The following PTPRD variants were observed in gnomAD, a reference collection of about 807,000 sequenced individuals.
The protein encoded by PTPRD is protein tyrosine phosphatase receptor type D.
In PTPRD, 34 loss-of-function variants were observed where a neutral mutation model predicts 214.5. That is an observed-to-expected ratio of 0.16 (90% CI 0.12 to 0.21). The LOEUF (loss-of-function observed/expected upper bound fraction) is 0.21, where lower values mean the gene tolerates loss of function less well. PTPRD is among the 10% of genes least tolerant of loss of function. The pLI, the probability that PTPRD is intolerant of heterozygous loss-of-function variation, is 1.00. For synonymous variants in PTPRD, 1,128 were observed against 845.7 expected (o/e 1.33, Z -5.79); for missense variants, 2,545 against 2,398.7 (o/e 1.06, Z -1.27).
chr9:10,105,724 G>T (rs545468428), intron 3 of PTPRD, among the ~76,000 whole-genome samples: 1 of 151,640 alleles, frequency 6.6e-6, no homozygotes, highest in African/African-American at 2.4e-5. Context: ...TCATATTATT[G>T]TATATAAGAA....
At chr9:10,032,604 A>G (rs961172133) in intron 4 of PTPRD, among the ~76,000 whole-genome samples, 8 of 152,198 alleles carry the variant, frequency 5.3e-5, no homozygotes, top group African/African-American at 1.7e-4. Context: ...ACTTGTATGT[A>G]TAAATGTAAA....
At chr9:9,884,858 T>C (rs746191030) in intron 5 of PTPRD, among the ~76,000 whole-genome samples, 16 of 152,136 alleles carry the variant, frequency 1.1e-4, no homozygotes, top group South Asian at 2.1e-4. Context: ...TCTGCCACGA[T>C]TGTAAGTTTC....
intron 11 of PTPRD, among the ~76,000 whole-genome samples, chr9:8,892,609 GTA>G (rs996147809): frequency 8.8e-5 from 12 of 136,214 alleles, no homozygotes; most frequent in Middle Eastern, 3.7e-3. Context: ...ATATATGTGT[GTA>G]TATATATGTG....
chr9:8,968,829 G>T (rs919323679), intron 11 of PTPRD, among the ~76,000 whole-genome samples: 1 of 151,988 alleles, frequency 6.6e-6, no homozygotes, highest in African/African-American at 2.4e-5. Flanking sequence ...AATCCAAAAA[G>T]CAAGATCATT....
At chr9:9,211,515 GCA>G (rs36213005) in intron 9 of PTPRD, among the ~76,000 whole-genome samples, 9,343 of 143,438 alleles carry the variant, frequency 0.065, 442 homozygotes, top group East Asian at 0.13. Context: ...GTGTGCGCAC[GCA>G]CACACACACA....
In PTPRD at chr9:8,316,917, T is replaced by C. The variant is rs1822253213; in HGVS notation, c.*957A>G. The C allele has an allele frequency of 4.3e-6, 1 of 230,780 alleles. No homozygotes were observed. The highest frequency in any genetic ancestry group is 5.7e-5 in the Admixed American group (1 of 17,662). The allele number at this position is 230,780 out of a possible 1,614,324, so 14.3% of individuals were successfully genotyped here. ...ACTGACTGACTGATAACTGTATCTA[T>C]TTTTTGTGTGGACACACTGTCTATA... On this transcript the variant is annotated 3_prime_UTR_variant, in exon 46 of 46. Transcript: ENST00000381196.
intron 7 of PTPRD, among the ~76,000 whole-genome samples, chr9:9,636,510 C>A (rs2095773724): frequency 6.6e-6 from 1 of 152,064 alleles, no homozygotes; most frequent in African/African-American, 2.4e-5. Context: ...ATACACAGAG[C>A]CTCAACTTGG....
At chr9:8,390,536 C>T (rs10977029) in intron 36 of PTPRD, among the ~76,000 whole-genome samples, 47,817 of 140,428 alleles carry the variant, frequency 0.34, 8,440 homozygotes, top group Middle Eastern at 0.42. Flanking sequence ...TATATATTTA[C>T]TTGTCTGTTA....
intron 7 of PTPRD, among the ~76,000 whole-genome samples, chr9:9,626,779 C>A (rs1035722474): frequency 1.3e-5 from 2 of 152,080 alleles, no homozygotes; most frequent in African/African-American, 2.4e-5. Context: ...TGAAATGGCT[C>A]GCCCCAAATT....
At chr9:10,213,493 C>T (rs1159180067) in intron 3 of PTPRD, among the ~76,000 whole-genome samples, 3 of 152,070 alleles carry the variant, frequency 2.0e-5, no homozygotes, top group Non-Finnish European at 4.4e-5. Flanking sequence ...GATGGAATAA[C>T]CAAGAATGGG....
chr9:9,916,087 A>C (rs981831752), intron 5 of PTPRD, among the ~76,000 whole-genome samples: 14 of 150,422 alleles, frequency 9.3e-5, no homozygotes, highest in East Asian at 2.0e-4. Flanking sequence ...AATTAAAAAA[A>C]AAAAAACAAA....
At chr9:10,016,355 G>C (rs934724277) in intron 4 of PTPRD, among the ~76,000 whole-genome samples, 5 of 107,398 alleles carry the variant, frequency 4.7e-5, no homozygotes, top group African/African-American at 1.3e-4. Flanking sequence ...ATGATAGAAA[G>C]ATTAGATAGA....
chr9:9,901,367 A>G (rs1376461883), intron 5 of PTPRD, among the ~76,000 whole-genome samples: 2 of 152,188 alleles, frequency 1.3e-5, no homozygotes, highest in African/African-American at 2.4e-5. Context: ...TAGAGGCAAC[A>G]TGTGGGATAA....
chr9:9,853,550 T>G (rs1435647371), intron 5 of PTPRD, among the ~76,000 whole-genome samples: 1 of 152,054 alleles, frequency 6.6e-6, no homozygotes, highest in Non-Finnish European at 1.5e-5. Flanking sequence ...TTTTTTTTGT[T>G]GTTTTTTGGT....
At chr9:8,902,217 C>T (rs982769333) in intron 11 of PTPRD, among the ~76,000 whole-genome samples, 1 of 152,124 alleles carries the variant, frequency 6.6e-6, no homozygotes, top group Non-Finnish European at 1.5e-5. Flanking sequence ...ACTGTTGCTA[C>T]TCAAAGTGTT....
At chr9:9,672,712 T>C (rs2096854597) in intron 7 of PTPRD, among the ~76,000 whole-genome samples, 1 of 152,074 alleles carries the variant, frequency 6.6e-6, no homozygotes. Flanking sequence ...GGAGTTATTA[T>C]CCACCCAGTT....
intron 4 of PTPRD, among the ~76,000 whole-genome samples, chr9:9,940,132 G>A (rs776736480): frequency 7.2e-5 from 11 of 152,150 alleles, no homozygotes; most frequent in Non-Finnish European, 1.5e-4. Context: ...ACCATCTCTA[G>A]ACTTGCAGGG....
intron 34 of PTPRD, among the ~76,000 whole-genome samples, chr9:8,442,076 G>A (rs1240335921): frequency 1.3e-5 from 2 of 152,148 alleles, no homozygotes; most frequent in East Asian, 1.9e-4. Flanking sequence ...GTGGGGAAGA[G>A]GAAAAGGGGA....
chr9:8,331,296 G>A (rs1266815730), intron 44 of PTPRD, among the ~76,000 whole-genome samples: 3 of 152,084 alleles, frequency 2.0e-5, no homozygotes, highest in Non-Finnish European at 4.4e-5. Flanking sequence ...TTATTACTAG[G>A]GGAGGTACCA....
Sources: gnomAD v4.1 joint callset for allele counts (sites outside exome capture counted in the v4.1 genomes callset) on GRCh38, gnomAD v4.1.1 for gene constraint, MANE v1.5 for transcripts, NCBI Gene and HGNC (gene_info 2026-07-23, HGNC 2026-07-21) for gene names.